Variants in MAFG observed in about 807,000 individuals in gnomAD.
The protein encoded by MAFG is transcription factor MafG.
In MAFG, 3 loss-of-function variants were observed where a neutral mutation model predicts 12.2. That is an observed-to-expected ratio of 0.25 (90% CI 0.11 to 0.64). The LOEUF is 0.64. Ranked by LOEUF, MAFG falls within the 30% of genes least tolerant of loss-of-function variation. MAFG has a pLI of 0.85. For synonymous variants in MAFG, 126 were observed against 109.1 expected (o/e 1.15, Z -0.96); for missense variants, 153 against 235.5 (o/e 0.65, Z 2.29).
At position 81,918,991 on chromosome 17, in the gene MAFG, G is replaced by A. The variant is rs953801291; in HGVS notation, c.*3614C>T. The A allele has an allele frequency of 6.6e-6, 1 of 152,268 alleles. No homozygotes were observed. Among genetic ancestry groups the A allele is most frequent in the African/African-American group, 2.4e-5 (1 of 41,436 alleles). 9.4% of individuals were successfully genotyped at this position (152,268 alleles called of 1,614,324 possible). On this transcript the variant is annotated 3_prime_UTR_variant, in exon 3 of 3. Transcript: ENST00000357736. ...TGGTACACACCCAGGACACAGGCCAGAGGCAGGACAGGCATTAGTCTCTCA... is the reference window on the plus strand; with the variant it reads ...TGGTACACACCCAGGACACAGGCCAAAGGCAGGACAGGCATTAGTCTCTCA...
intron 1 of MAFG, among the ~76,000 whole-genome samples, chr17:81,927,198 C>T (rs1050950881): frequency 8.6e-5 from 13 of 151,870 alleles, no homozygotes; most frequent in Admixed American, 5.2e-4. Flanking sequence ...CCACCCTTTC[C>T]TCCCGCCGTC....
rs887746182 is a variant in MAFG, at chr17:81,922,235, C to A, written c.*370G>T. The A allele has an allele frequency of 3.6e-4, 58 of 162,822 alleles. 1 individual carries two copies. Among genetic ancestry groups the A allele is most frequent in the Admixed American group, 3.8e-4 (6 of 15,586 alleles). The allele number at this position is 162,822 out of a possible 1,614,324, so 10.1% of individuals were successfully genotyped here. ...CTCGGGAGTGGAGGGAACACTGGGA[C>A]CCTCACTGCTCGGGGACACGCGAGG... On this transcript the variant is annotated 3_prime_UTR_variant, in exon 3 of 3. Transcript: ENST00000357736.
rs945825574 is a variant in MAFG, at chr17:81,919,891, C to G, written c.*2714G>C. 6.6e-6 allele frequency: 1 copy of G among 152,216 alleles called. No homozygotes were observed. The highest frequency in any genetic ancestry group is 2.4e-5 in the African/African-American group (1 of 41,424). 9.4% of individuals were successfully genotyped at this position (152,216 alleles called of 1,614,324 possible). A position where few individuals can be genotyped will look rare whatever the true frequency, so the allele number is the denominator to read the frequency against. ...AAGCTCTTGAAAGGAGGTATGGCCT[C>G]GAAACTCCAGAAGCCTCTTCTGCCA... On this transcript the variant is annotated 3_prime_UTR_variant, in exon 3 of 3. Transcript: ENST00000357736.
At position 81,926,438 on chromosome 17, in the gene MAFG, C is replaced by T. The variant is rs192804201; in HGVS notation, c.-30+1090G>A. Among the ~76,000 whole-genome samples, 99 of 152,268 alleles carry T rather than the reference C, an allele frequency of 6.5e-4. No homozygotes were observed. The highest frequency in any genetic ancestry group is 2.2e-3 in the African/African-American group (93 of 41,546). On this transcript the variant is annotated intron_variant, in intron 1 of 2. Transcript: ENST00000357736. The surrounding 1 kb of genome is among the most constrained non-coding windows in gnomAD (Gnocchi z 4.6). ...GGCTGGGCTGCTTCCTCCCCTTTGC[C>T]GTTTCCTGGTAGAGCTGCCCCTGCT... is the stretch of plus-strand genomic sequence containing the variant.
upstream of MAFG, chr17:81,929,395 G>A (rs957273397): frequency 1.3e-5 from 2 of 152,362 alleles, no homozygotes; most frequent in Admixed American, 1.3e-4. The surrounding 1 kb of genome is among the most constrained non-coding windows in gnomAD (Gnocchi z 5.7). Context: ...GTGGCTTGTA[G>A]AAAGAGTATC....
chr17:81,918,850 G>T lies in MAFG; in HGVS notation c.*3755C>A, dbSNP rs1043193199. On this transcript the variant is annotated 3_prime_UTR_variant, in exon 3 of 3. Transcript: ENST00000357736. The stretch of plus-strand genomic sequence containing the variant: ...GCCCAACTGGGGTCACCAAGAACAG[G>T]GAGGTCTCACAGTTTATCGGGGACA... 15 of 152,306 alleles carry T rather than the reference G, an allele frequency of 9.8e-5. No individual in the cohort carries two copies. The highest frequency in any genetic ancestry group is 3.4e-4 in the African/African-American group (14 of 41,446). The allele number at this position is 152,306 out of a possible 1,614,324, so 9.4% of individuals were successfully genotyped here. A position where few individuals can be genotyped will look rare whatever the true frequency, so the allele number is the denominator to read the frequency against.
chr17:81,920,869 G>C lies in MAFG; in HGVS notation c.*1736C>G, dbSNP rs2040882206. ...CAAGGAAGAAAGGGCGGTGCCCGGT[G>C]GGCCCCCACCCACTCTGCCTGGAAG... is the stretch of plus-strand genomic sequence containing the variant. On this transcript the variant is annotated 3_prime_UTR_variant, in exon 3 of 3. Transcript: ENST00000357736. The C allele has an allele frequency of 6.6e-6, 1 of 152,442 alleles. No individual in the cohort carries two copies. Among genetic ancestry groups the C allele is most frequent in the South Asian group, 2.1e-4 (1 of 4,836 alleles). 9.4% of individuals were successfully genotyped at this position (152,442 alleles called of 1,614,324 possible).
At chr17:81,928,537 G>T (rs2040961010), upstream of MAFG, 1 of 152,260 alleles carries the variant, frequency 6.6e-6, no homozygotes, top group South Asian at 2.1e-4. The surrounding 1 kb of genome is among the most constrained non-coding windows in gnomAD (Gnocchi z 8.1). Flanking sequence ...AAGCCGTGAG[G>T]TGTAAGGCTC....
In MAFG at chr17:81,918,697, C is replaced by A; in HGVS notation, c.*3908G>T. On this transcript the variant is annotated 3_prime_UTR_variant, in exon 3 of 3. Coordinates refer to ENST00000357736, the MANE Select transcript of MAFG (RefSeq NM_002359.4). Reference sequence around the variant, plus strand: ...CAACAGGGCTGGACACGCGGGCAGCCCTTGTCCTGTTGCCAGGAGAAGGCT... The same window carrying A: ...CAACAGGGCTGGACACGCGGGCAGCACTTGTCCTGTTGCCAGGAGAAGGCT... The A allele has an allele frequency of 6.6e-6, 1 of 152,590 alleles. No homozygotes were observed. The highest frequency in any genetic ancestry group is 2.0e-4 in the South Asian group (1 of 4,914). 9.5% of individuals were successfully genotyped at this position (152,590 alleles called of 1,614,324 possible).
In MAFG at chr17:81,923,225, C is replaced by T. The variant is rs372061269; in HGVS notation, c.-29-11G>A. 2.3e-5 allele frequency: 35 copies of T among 1,491,140 alleles called. No individual in the cohort carries two copies. The highest frequency in any genetic ancestry group is 3.7e-5 in the South Asian group (3 of 81,210). The allele number at this position is 1,491,140 out of a possible 1,614,324, so 92.4% of individuals were successfully genotyped here. A position where few individuals can be genotyped will look rare whatever the true frequency, so the allele number is the denominator to read the frequency against. ...GCGAGCAGGCGCTCTCTGCAAGACA[C>T]GGAGCAGGTCAGTACCCTGGAGACC... On this transcript the variant is annotated splice_polypyrimidine_tract_variant and intron_variant, in intron 1 of 2. Transcript: ENST00000357736.
At chr17:81,929,365 C>T (rs1276482532), upstream of MAFG, 4 of 152,254 alleles carry the variant, frequency 2.6e-5, no homozygotes, top group South Asian at 2.1e-4. The surrounding 1 kb of genome is among the most constrained non-coding windows in gnomAD (Gnocchi z 5.7). Flanking sequence ...GGGTCCCAGG[C>T]ACCTGCAGAG....
At chr17:81,923,497 AG>A (rs1598347776) in intron 1 of MAFG, 2 of 347,434 alleles carry the variant, frequency 5.8e-6, no homozygotes, top group East Asian at 1.1e-4. Flanking sequence ...GCGCAAGACA[AG>A]GGGCAGGGGA....
chr17:81,925,996 CTGTGTGTG>C (rs532478689), intron 1 of MAFG, among the ~76,000 whole-genome samples: 5 of 89,024 alleles, frequency 5.6e-5, no homozygotes, highest in South Asian at 4.8e-4. Flanking sequence ...GAGAATGGAC[CTGTGTGTG>C]TGTGTGTGTG....
Position 81,927,322 on chromosome 17 carries a change from G to A in MAFG, c.-30+206C>T, listed in dbSNP as rs530994673. On this transcript the variant is annotated intron_variant, in intron 1 of 2. Coordinates refer to ENST00000357736, the MANE Select transcript of MAFG (RefSeq NM_002359.4). ...TCCAGTACCCGGGCGCCAGGGGCAG[G>A]AGGAGCTGGCTCCTGACCGCTGGGG... Among the ~76,000 whole-genome samples, 58 of 151,588 alleles carry A rather than the reference G, an allele frequency of 3.8e-4. No homozygotes were observed. In the East Asian group the frequency reaches 9.9e-3, roughly 26 times the overall value.
In MAFG at chr17:81,924,478, T is replaced by C. The variant is rs1156989720; in HGVS notation, c.-29-1264A>G. 6.6e-6 allele frequency: 1 copy of C among 152,396 alleles called. No homozygotes were observed. The highest frequency in any genetic ancestry group is 1.9e-4 in the East Asian group (1 of 5,194). 9.4% of individuals were successfully genotyped at this position (152,396 alleles called of 1,614,324 possible). ...GAGCTAGGATCACTTCAGGAAATTATGGGCTGGGGGGCTTCTTACTCTCAT... is the reference window on the plus strand; with the variant it reads ...GAGCTAGGATCACTTCAGGAAATTACGGGCTGGGGGGCTTCTTACTCTCAT... On this transcript the variant is annotated intron_variant, in intron 1 of 2. Transcript: ENST00000357736. The surrounding 1 kb of genome is among the most constrained non-coding windows in gnomAD (Gnocchi z 4.7).
At position 81,921,176 on chromosome 17, in the gene MAFG, C is replaced by G. The variant is rs1173553989; in HGVS notation, c.*1429G>C. On this transcript the variant is annotated 3_prime_UTR_variant, in exon 3 of 3. Transcript: ENST00000357736. Reference sequence around the variant, plus strand: ...CCCAAGCCCTAGACACAGATGTAGCCAAGGCTCAGTGGAGGGGGGCATGAC... The same window carrying G: ...CCCAAGCCCTAGACACAGATGTAGCGAAGGCTCAGTGGAGGGGGGCATGAC... 6.6e-6 allele frequency: 1 copy of G among 152,262 alleles called. No homozygotes were observed. The highest frequency in any genetic ancestry group is 6.5e-5 in the Admixed American group (1 of 15,292). 9.4% of individuals were successfully genotyped at this position (152,262 alleles called of 1,614,324 possible). A position where few individuals can be genotyped will look rare whatever the true frequency, so the allele number is the denominator to read the frequency against.
Position 81,918,293 on chromosome 17 carries a change from A to C in MAFG, c.*4312T>G. The C allele has an allele frequency of 1.8e-6, 1 of 554,794 alleles. No individual in the cohort carries two copies. Among genetic ancestry groups the C allele is most frequent in the South Asian group, 3.1e-5 (1 of 32,644 alleles). 34.4% of individuals were successfully genotyped at this position (554,794 alleles called of 1,614,324 possible). A position where few individuals can be genotyped will look rare whatever the true frequency, so the allele number is the denominator to read the frequency against. On this transcript the variant is annotated 3_prime_UTR_variant, in exon 3 of 3. Transcript: ENST00000357736. The stretch of plus-strand genomic sequence containing the variant: ...AGTCTCTTTAAAAGGTTTATTGATC[A>C]TATACAAAATAAAGAAAACCTTATA...
At chr17:81,929,048 G>T (rs2040964609), upstream of MAFG, among the ~76,000 whole-genome samples, 1 of 152,230 alleles carries the variant, frequency 6.6e-6, no homozygotes, top group South Asian at 2.1e-4. The surrounding 1 kb of genome is among the most constrained non-coding windows in gnomAD (Gnocchi z 5.7). Context: ...GGAGCCAGGG[G>T]TGATTGGCCC....
chr17:81,927,731 C>A lies in MAFG; in HGVS notation c.-233G>T. On this transcript the variant is annotated 5_prime_UTR_variant, in exon 1 of 3. The change abolishes the stop of an existing upstream ORF in the 5' untranslated region. Coordinates refer to ENST00000357736, the MANE Select transcript of MAFG (RefSeq NM_002359.4). Reference sequence around the variant, plus strand: ...GCCGCCGCCGCCGCTCCACAGACGTCACATGATGTTTGGTCACGTGGGCTC... The same window carrying A: ...GCCGCCGCCGCCGCTCCACAGACGTAACATGATGTTTGGTCACGTGGGCTC... 6.5e-6 allele frequency: 1 copy of A among 152,730 alleles called. No homozygotes were observed. The highest frequency in any genetic ancestry group is 1.9e-4 in the South Asian group (1 of 5,336). The allele number at this position is 152,730 out of a possible 1,614,324, so 9.5% of individuals were successfully genotyped here.
Sources: allele counts gnomAD v4.1 joint callset (sites outside exome capture counted in the v4.1 genomes callset), GRCh38; gene constraint gnomAD v4.1.1; non-coding constraint Gnocchi (gnomAD v3.1); transcripts MANE v1.5; gene names NCBI Gene and HGNC (gene_info 2026-07-23, HGNC 2026-07-21).